The following SPCS2 variants were observed in gnomAD, a reference collection of about 807,000 sequenced individuals.
SPCS2 encodes the protein SPase 25 kDa subunit.
SPCS2 carries 3 observed loss-of-function variants against 22.3 expected under a neutral mutation model. That is an observed-to-expected ratio of 0.13 (90% confidence interval 0.06 to 0.35). SPCS2 has a LOEUF of 0.35. Ranked by LOEUF, SPCS2 falls within the 10% of genes least tolerant of loss-of-function variation. SPCS2 has a pLI of 1.00. For synonymous variants in SPCS2, 67 were observed against 97.2 expected (o/e 0.69, Z 1.83); for missense variants, 169 against 280.9 (o/e 0.60, Z 2.85).
chr11:74,962,792 A>T (rs775674718), intron 1 of SPCS2, among the ~76,000 whole-genome samples: 1 of 152,214 alleles, frequency 6.6e-6, no homozygotes, highest in Non-Finnish European at 1.5e-5. Flanking sequence ...TTGTGATTTC[A>T]TGTAATTCAC....
At chr11:74,949,665 C>T (rs998909128) in intron 1 of SPCS2, 5 of 513,122 alleles carry the variant, frequency 9.7e-6, no homozygotes, top group African/African-American at 3.8e-5. Flanking sequence ...TTGATTTTTC[C>T]TATATTTAAT....
rs574167331 is a variant in SPCS2, at chr11:74,976,042, T to A, written c.495-815T>A. The stretch of plus-strand genomic sequence containing the variant: ...AGTTCATTTAGTAAAGCAGTTGGCA[T>A]CCCTGGCCTGGGATCAGAGTAAAAC... On this transcript the variant is annotated intron_variant, in intron 4 of 4. Transcript: ENST00000263672. 3.3e-5 allele frequency among the ~76,000 whole-genome samples: 5 copies of A among 152,184 alleles called. No homozygotes were observed. The South Asian group carries it at 1.0e-3, about 32-fold the overall frequency.
At chr11:74,964,766 C>G (rs935691437) in intron 1 of SPCS2, among the ~76,000 whole-genome samples, 1 of 152,234 alleles carries the variant, frequency 6.6e-6, no homozygotes, top group Non-Finnish European at 1.5e-5. Flanking sequence ...ATCAGCATCA[C>G]ATGAGTACCA....
chr11:74,963,456 A>T (rs1354432556), intron 1 of SPCS2: 2 of 263,366 alleles, frequency 7.6e-6, no homozygotes, highest in African/African-American at 2.4e-5. Context: ...AATCACAGTT[A>T]AAAAAAAAAC....
chr11:74,972,069 A>C (rs1948587940), intron 4 of SPCS2, among the ~76,000 whole-genome samples: 1 of 151,548 alleles, frequency 6.6e-6, no homozygotes, highest in African/African-American at 2.4e-5. Flanking sequence ...GGTCCTAGTT[A>C]TTCTTTTTTT....
chr11:74,954,812 A>G (rs1247542502), intron 1 of SPCS2, among the ~76,000 whole-genome samples: 1 of 152,248 alleles, frequency 6.6e-6, no homozygotes, highest in Non-Finnish European at 1.5e-5. Context: ...AAACATTTTC[A>G]AATCATATAT....
Position 74,978,976 on chromosome 11 carries a change from G to A in SPCS2, c.*1933G>A, listed in dbSNP as rs781082524. The A allele has an allele frequency of 3.9e-5, 6 of 152,018 alleles. No individual in the cohort carries two copies. Among genetic ancestry groups the A allele is most frequent in the Admixed American group, 2.0e-4 (3 of 15,258 alleles). The allele number at this position is 152,018 out of a possible 1,614,324, so 9.4% of individuals were successfully genotyped here. On this transcript the variant is annotated 3_prime_UTR_variant, in exon 5 of 5. Coordinates refer to ENST00000263672, the MANE Select transcript of SPCS2 (RefSeq NM_014752.3). The stretch of plus-strand genomic sequence containing the variant: ...GTGTTTTAAACTTAATATATCTTAG[G>A]CATTTTCCCTGTGTGTGTGTATAAT...
intron 3 of SPCS2, among the ~76,000 whole-genome samples, chr11:74,967,664 A>G (rs1948555103): frequency 6.6e-6 from 1 of 152,186 alleles, no homozygotes; most frequent in Admixed American, 6.5e-5. Context: ...CACAAGAATC[A>G]CTTGAATCCA....
chr11:74,961,824 G>C (rs1005590045), intron 1 of SPCS2, among the ~76,000 whole-genome samples: 2 of 152,138 alleles, frequency 1.3e-5, no homozygotes, highest in Non-Finnish European at 2.9e-5. Flanking sequence ...CACTGCACCT[G>C]ACCAGAACCA....
chr11:74,951,001 C>T (rs1163376699), intron 1 of SPCS2, among the ~76,000 whole-genome samples: 1 of 152,196 alleles, frequency 6.6e-6, no homozygotes, highest in Non-Finnish European at 1.5e-5. Flanking sequence ...TGCTTACCTG[C>T]CCCACTAACT....
chr11:74,962,396 T>G lies in SPCS2; in HGVS notation c.115-2638T>G, dbSNP rs114318314. 5.3e-3 allele frequency among the ~76,000 whole-genome samples: 804 copies of G among 152,320 alleles called. 8 individuals carry two copies. The highest frequency in any genetic ancestry group is 0.018 in the African/African-American group (765 of 41,578). On this transcript the variant is annotated intron_variant, in intron 1 of 4. Coordinates refer to ENST00000263672, the MANE Select transcript of SPCS2 (RefSeq NM_014752.3). ...ACAAGCCTTGCTAAAGATGGCAGTC[T>G]TGGACCCAGGTTCACTTATTTCTGC...
chr11:74,969,035 G>A (rs909419564), intron 3 of SPCS2, among the ~76,000 whole-genome samples: 2 of 152,122 alleles, frequency 1.3e-5, no homozygotes, highest in Non-Finnish European at 2.9e-5. Flanking sequence ...CAAACTATAA[G>A]TGCTTATTAA....
At chr11:74,974,894 A>C (rs1333314167) in intron 4 of SPCS2, among the ~76,000 whole-genome samples, 1 of 152,114 alleles carries the variant, frequency 6.6e-6, no homozygotes, top group Non-Finnish European at 1.5e-5. Flanking sequence ...GATTATAGGT[A>C]TGAGCCACGG....
chr11:74,974,760 A>G (rs1424449792), intron 4 of SPCS2, among the ~76,000 whole-genome samples: 2 of 152,038 alleles, frequency 1.3e-5, no homozygotes, highest in South Asian at 2.1e-4. Context: ...GACTACAGGC[A>G]CCAGCCACCA....
chr11:74,974,683 C>T (rs1178568434), intron 4 of SPCS2, among the ~76,000 whole-genome samples: 3 of 152,180 alleles, frequency 2.0e-5, no homozygotes, highest in Non-Finnish European at 2.9e-5. Context: ...GGCGCGATCT[C>T]GGCTCGCTGC....
intron 1 of SPCS2, among the ~76,000 whole-genome samples, chr11:74,961,043 A>G (rs1397905217): frequency 1.3e-5 from 2 of 152,126 alleles, no homozygotes; most frequent in Non-Finnish European, 2.9e-5. Flanking sequence ...ATTAAAAAAA[A>G]AAAAAAGCTA....
At chr11:74,949,698 G>T (rs1359534206) in intron 1 of SPCS2, 2 of 473,004 alleles carry the variant, frequency 4.2e-6, no homozygotes, top group South Asian at 1.5e-5. Context: ...TTTTCTCCTG[G>T]GGGGCTGGGT....
chr11:74,952,719 T>C (rs1322592624), intron 1 of SPCS2, among the ~76,000 whole-genome samples: 2 of 152,098 alleles, frequency 1.3e-5, no homozygotes, highest in African/African-American at 4.8e-5. Context: ...CCAACATGAG[T>C]AGCAGAAATA....
At chr11:74,960,177 CA>C (rs1284129203) in intron 1 of SPCS2, among the ~76,000 whole-genome samples, 3 of 152,082 alleles carry the variant, frequency 2.0e-5, no homozygotes, top group Non-Finnish European at 4.4e-5. Context: ...TTAAAAAATA[CA>C]AAAATTAGCT....
Sources: allele counts gnomAD v4.1 joint callset (sites outside exome capture counted in the v4.1 genomes callset), GRCh38; gene constraint gnomAD v4.1.1; transcripts MANE v1.5; gene names NCBI Gene and HGNC (gene_info 2026-07-23, HGNC 2026-07-21).